The following CTSK variants were observed in gnomAD, a reference collection of about 807,000 sequenced individuals.
The protein encoded by CTSK is cathepsin O.
A neutral mutation model predicts 40.5 loss-of-function variants in CTSK; 26 were observed. The ratio of observed to expected loss-of-function variants is 0.64; its 90% confidence interval spans 0.47 to 0.89. The LOEUF (loss-of-function observed/expected upper bound fraction) is 0.89, where lower values mean the gene tolerates loss of function less well. Ranked by LOEUF, CTSK falls within the 40% of genes least tolerant of loss-of-function variation. CTSK has a pLI of 0.00. For missense variants in CTSK, 292 were observed against 400.1 expected, an observed-to-expected ratio of 0.73 and a Z score of 2.30; for synonymous variants, 132 against 143.2, an observed-to-expected ratio of 0.92 and a Z score of 0.56.
intron 4 of CTSK, among the ~76,000 whole-genome samples, chr1:150,804,995 T>C (rs1276203995): frequency 1.3e-5 from 2 of 152,022 alleles, no homozygotes; most frequent in African/African-American, 4.8e-5. Flanking sequence ...GCAGATTGCT[T>C]GAGCCCAGGA....
At position 150,802,202 on chromosome 1, in the gene CTSK, C is replaced by T. The variant is rs587665299; in HGVS notation, c.618+1819G>A. Among the ~76,000 whole-genome samples, 6 of 150,214 alleles carry T rather than the reference C, an allele frequency of 4.0e-5. No homozygotes were observed. The South Asian group carries it at 1.3e-3, about 32-fold the overall frequency. On this transcript the variant is annotated intron_variant, in intron 5 of 7. Transcript: ENST00000271651. ...CTGAGGCAGGAGAATTGCTTGAATC[C>T]AGGAGGTGGAGGTTGCAGTGAGCCA...
intron 5 of CTSK, among the ~76,000 whole-genome samples, chr1:150,800,212 A>G (rs587703728): frequency 3.3e-4 from 50 of 151,786 alleles, no homozygotes; most frequent in African/African-American, 1.2e-3. Context: ...AAAAAAATCA[A>G]CTACAGGTGT....
At chr1:150,799,924 C>T (rs1300663167) in intron 5 of CTSK, among the ~76,000 whole-genome samples, 1 of 152,046 alleles carries the variant, frequency 6.6e-6, no homozygotes, top group Non-Finnish European at 1.5e-5. Flanking sequence ...AGGCCAGGTG[C>T]GGTGGCTCAT....
intron 6 of CTSK, 56 bp from the exon 7 acceptor site, chr1:150,799,329 G>A: frequency 1.5e-6 from 2 of 1,371,370 alleles, no homozygotes; most frequent in Non-Finnish European, 2.1e-6. Context: ...CACCCTGTGG[G>A]ATCTCCCAGT....
chr1:150,806,070 G>T (rs1002925379), intron 3 of CTSK, 32 bp downstream of exon 3: 1 of 1,614,058 alleles, frequency 6.2e-7, no homozygotes, highest in Non-Finnish European at 8.5e-7. Flanking sequence ...AGCAAATGGT[G>T]CAGGTGGGAC....
intron 5 of CTSK, among the ~76,000 whole-genome samples, chr1:150,803,647 G>A (rs74857275): frequency 0.041 from 6,222 of 152,228 alleles, 162 homozygotes; most frequent in Non-Finnish European, 0.064. Flanking sequence ...GAAATGTTCT[G>A]AAAACTCACA....
chr1:150,797,909 C>T (rs1331577058), intron 7 of CTSK, among the ~76,000 whole-genome samples: 4 of 152,168 alleles, frequency 2.6e-5, no homozygotes, highest in Non-Finnish European at 5.9e-5. Context: ...GGAAGATGCT[C>T]AGGTTCACCT....
At chr1:150,799,131 G>C (rs1247626438) in intron 7 of CTSK, 37 bp downstream of exon 7, 3 of 1,345,650 alleles carry the variant, frequency 2.2e-6, no homozygotes, top group Non-Finnish European at 3.2e-6. Flanking sequence ...GTGTTAAAAG[G>C]GTGACTGAAT....
intron 5 of CTSK, 78 bp downstream of exon 5, chr1:150,803,943 G>T: frequency 8.4e-7 from 1 of 1,193,756 alleles, no homozygotes; most frequent in South Asian, 1.2e-5. Context: ...AGTATTTCTG[G>T]AATTGTTTCC....
At chr1:150,803,362 C>T (rs587675288) in intron 5 of CTSK, among the ~76,000 whole-genome samples, 2 of 152,264 alleles carry the variant, frequency 1.3e-5, no homozygotes, top group South Asian at 4.1e-4. Flanking sequence ...ACTAAGGACA[C>T]GGCTTAGAAC....
chr1:150,801,639 CG>C, intron 5 of CTSK, among the ~76,000 whole-genome samples: 1 of 150,564 alleles, frequency 6.6e-6, no homozygotes, highest in Non-Finnish European at 1.5e-5. Flanking sequence ...CCCGGGTTCA[CG>C]CCATTCTCCT....
intron 5 of CTSK, among the ~76,000 whole-genome samples, chr1:150,802,060 C>T (rs1395210159): frequency 1.3e-5 from 2 of 151,162 alleles, no homozygotes; most frequent in Non-Finnish European, 3.0e-5. Context: ...GGCGGACCAC[C>T]TGAGGTCAGG....
chr1:150,807,055 GT>G (rs1467448936), intron 1 of CTSK, among the ~76,000 whole-genome samples: 1 of 116,314 alleles, frequency 8.6e-6, no homozygotes, highest in Admixed American at 9.5e-5. Flanking sequence ...CACTCTCTCT[GT>G]TTCTCTCTCT....
intron 1 of CTSK, chr1:150,807,496 C>A: frequency 5.3e-6 from 2 of 380,578 alleles, no homozygotes; most frequent in Non-Finnish European, 1.0e-5. Context: ...ATGCTGCGGG[C>A]AAGGTTTTTT....
intron 5 of CTSK, among the ~76,000 whole-genome samples, chr1:150,802,278 C>CAAAA (rs1159354552): frequency 1.5e-5 from 1 of 65,132 alleles, no homozygotes; most frequent in Non-Finnish European, 3.1e-5. Flanking sequence ...AACTCCATTT[C>CAAAA]AAAAAAAAAA....
chr1:150,804,012 C>G lies in CTSK; in HGVS notation c.618+9G>C. 1 of 1,610,654 alleles carries G rather than the reference C, an allele frequency of 6.2e-7. No individual in the cohort carries two copies. Among genetic ancestry groups the G allele is most frequent in the Admixed American group, 1.7e-5 (1 of 60,022 alleles). On this transcript the variant is annotated intron_variant, in intron 5 of 7. Transcript: ENST00000271651. ...AACAGAGCTGTATAATTGTGTGGAG[C>G]AATCTCACCTGTCCCACATATGGGT...
At position 150,796,794 on chromosome 1, in the gene CTSK, T is replaced by G; in HGVS notation, c.*5A>C. ...GAAGAGCAGGATGGATTTGGCTGGC[T>G]GGAGTCACATCTTGGGGAAGCTGGC... On this transcript the variant is annotated 3_prime_UTR_variant, in exon 8 of 8. Coordinates refer to ENST00000271651, the MANE Select transcript of CTSK (RefSeq NM_000396.4). 6.2e-7 allele frequency: 1 copy of G among 1,604,280 alleles called. No individual in the cohort carries two copies. The highest frequency in any genetic ancestry group is 8.5e-7 in the Non-Finnish European group (1 of 1,170,956).
intron 4 of CTSK, among the ~76,000 whole-genome samples, chr1:150,805,061 A>T (rs1038302127): frequency 1.2e-4 from 18 of 152,042 alleles, no homozygotes; most frequent in Non-Finnish European, 2.2e-4. Context: ...AAAATTTTTT[A>T]AAATTAGCTG....
rs1274652077 is a variant in CTSK, at chr1:150,806,755, G to A, written c.51C>T (p.Tyr17=). The A allele has an allele frequency of 3.1e-6, 5 of 1,613,916 alleles. No homozygotes were observed. Among genetic ancestry groups the A allele is most frequent in the Non-Finnish European group, 4.2e-6 (5 of 1,179,970 alleles). The change falls in exon 2 of 8, where the codon TAC becomes TAT. Residue 17 remains tyrosine (Y), a synonymous_variant. Coordinates refer to ENST00000271651, the MANE Select transcript of CTSK (RefSeq NM_000396.4). ...LLLPVVSFAL[Y]PEEILDTHWE... is the part of the protein sequence containing the mutation. ...AGTGGGTGTCCAGTATCTCCTCAGGGTACAGAGCAAAGCTCACCACAGGTA... is the reference window on the plus strand; with the variant it reads ...AGTGGGTGTCCAGTATCTCCTCAGGATACAGAGCAAAGCTCACCACAGGTA...
Sources: allele counts gnomAD v4.1 joint callset (sites outside exome capture counted in the v4.1 genomes callset), GRCh38; gene constraint gnomAD v4.1.1; transcripts MANE v1.5; gene names NCBI Gene and HGNC (gene_info 2026-07-23, HGNC 2026-07-21).